Variants in C8orf34 observed in about 807,000 individuals in gnomAD.
C8orf34 encodes chromosome 8 open reading frame 34, also known as uncharacterized protein C8orf34.
Under a neutral mutation model 68.3 loss-of-function variants are expected in C8orf34, and 65 were observed. That is an observed-to-expected ratio of 0.95 (90% CI 0.78 to 1.17). The LOEUF (loss-of-function observed/expected upper bound fraction) is 1.17, where lower values mean the gene tolerates loss of function less well. Ranked by LOEUF, C8orf34 falls within the 50% of genes most tolerant of loss-of-function variation. The pLI, the probability that C8orf34 is intolerant of heterozygous loss-of-function variation, is 0.00. For missense variants in C8orf34, 664 were observed against 655.4 expected (o/e 1.01, Z -0.14); for synonymous variants, 244 against 241.2 (o/e 1.01, Z -0.11).
intron 1 of C8orf34, among the ~76,000 whole-genome samples, chr8:68,385,948 G>T (rs1169485834): frequency 6.6e-6 from 1 of 152,156 alleles, no homozygotes; most frequent in Non-Finnish European, 1.5e-5. Context: ...TGCCCAGACT[G>T]GAGTGTAGTG....
chr8:68,530,703 A>G, intron 6 of C8orf34: 4 of 786,966 alleles, frequency 5.1e-6, no homozygotes, highest in Non-Finnish European at 6.8e-6. Context: ...TTTTATTTCC[A>G]CTATTAAAGA....
chr8:68,784,044 T>A (rs550499331), intron 11 of C8orf34, among the ~76,000 whole-genome samples: 1 of 152,286 alleles, frequency 6.6e-6, no homozygotes, highest in Admixed American at 6.5e-5. Flanking sequence ...TGATACATTA[T>A]TAGTAACCAT....
At position 68,671,335 on chromosome 8, in the gene C8orf34, C is replaced by T. The variant is rs76066042; in HGVS notation, c.1241+30824C>T. ...TGAACAACCATCTGATCACTGAGAA[C>T]GATCATGTGATTTTAGTGCCCACAG... is the stretch of plus-strand genomic sequence containing the variant. On this transcript the variant is annotated intron_variant, in intron 8 of 13. Coordinates refer to ENST00000518698, the MANE Select transcript of C8orf34 (RefSeq NM_052958.4). Among the ~76,000 whole-genome samples the T allele has an allele frequency of 5.4e-3, 828 of 152,262 alleles. 10 individuals are homozygous for T. Among genetic ancestry groups the T allele is most frequent in the African/African-American group, 0.019 (789 of 41,548 alleles).
At chr8:68,639,937 A>G (rs1818955137) in intron 7 of C8orf34, among the ~76,000 whole-genome samples, 1 of 152,210 alleles carries the variant, frequency 6.6e-6, no homozygotes, top group Admixed American at 6.5e-5. Flanking sequence ...CGGAGGATTT[A>G]TGCAATTGGT....
chr8:68,409,007 T>G (rs1288904325), intron 1 of C8orf34, among the ~76,000 whole-genome samples: 1 of 152,146 alleles, frequency 6.6e-6, no homozygotes, highest in African/African-American at 2.4e-5. Context: ...CAGCCTGATC[T>G]TGAACTCCTG....
chr8:68,424,236 A>G (rs1810109986), intron 1 of C8orf34, among the ~76,000 whole-genome samples: 1 of 152,180 alleles, frequency 6.6e-6, no homozygotes. Context: ...GAAGCAGACC[A>G]GAATAGCATT....
At chr8:68,353,508 G>GTATA (rs951619325) in intron 1 of C8orf34, among the ~76,000 whole-genome samples, 4 of 150,248 alleles carry the variant, frequency 2.7e-5, no homozygotes, top group Non-Finnish European at 4.4e-5. Context: ...TGTATTGTGT[G>GTATA]TATATATATG....
intron 7 of C8orf34, among the ~76,000 whole-genome samples, chr8:68,571,531 T>C (rs1434462946): frequency 7.2e-6 from 1 of 138,102 alleles, no homozygotes; most frequent in Non-Finnish European, 1.5e-5. Flanking sequence ...TTAAAGTTGT[T>C]CTTAAGCCTG....
intron 3 of C8orf34, among the ~76,000 whole-genome samples, chr8:68,453,217 T>C (rs1273372913): frequency 1.3e-5 from 2 of 152,012 alleles, no homozygotes; most frequent in African/African-American, 4.8e-5. Flanking sequence ...CCTCTGACTT[T>C]ATTTTTCTCT....
Position 68,778,826 on chromosome 8 carries a change from A to G in C8orf34, c.1455+2377A>G, listed in dbSNP as rs562935444. Among the ~76,000 whole-genome samples, 4 of 152,302 alleles carry G rather than the reference A, an allele frequency of 2.6e-5. No individual in the cohort carries two copies. In the East Asian group the frequency reaches 7.7e-4, roughly 29 times the overall value. On this transcript the variant is annotated intron_variant, in intron 11 of 13. Coordinates refer to ENST00000518698, the MANE Select transcript of C8orf34 (RefSeq NM_052958.4). ...AATTTAAAATAACTTATCAAATTCA[A>G]TCAGTTCCAAATCTGGATTATCATA...
At chr8:68,446,820 T>C (rs1404748833) in intron 3 of C8orf34, 4 of 254,676 alleles carry the variant, frequency 1.6e-5, no homozygotes, top group Non-Finnish European at 7.3e-6. Flanking sequence ...TTAAATCTCT[T>C]AGAATAGAAG....
chr8:68,375,497 T>A (rs2129619934), intron 1 of C8orf34, among the ~76,000 whole-genome samples: 1 of 152,344 alleles, frequency 6.6e-6, no homozygotes, highest in African/African-American at 2.4e-5. Context: ...CAAGCATCGT[T>A]GCAATAGAAA....
chr8:68,632,278 T>C (rs1411509355), intron 7 of C8orf34, among the ~76,000 whole-genome samples: 2 of 151,996 alleles, frequency 1.3e-5, no homozygotes, highest in African/African-American at 4.8e-5. Flanking sequence ...ACCCTAGAGG[T>C]CTGTGGAATT....
intron 12 of C8orf34, among the ~76,000 whole-genome samples, chr8:68,806,072 G>A (rs1824472583): frequency 6.6e-6 from 1 of 151,878 alleles, no homozygotes; most frequent in South Asian, 2.1e-4. Context: ...ATGTCAATTG[G>A]TCCTTTTATA....
At chr8:68,567,761 G>A (rs1240555861) in intron 7 of C8orf34, among the ~76,000 whole-genome samples, 1 of 148,228 alleles carries the variant, frequency 6.7e-6, no homozygotes, top group Non-Finnish European at 1.5e-5. Context: ...ATTTCATTTA[G>A]TTCTTCTCTG....
At chr8:68,492,633 A>G (rs775026703) in intron 5 of C8orf34, among the ~76,000 whole-genome samples, 16 of 152,042 alleles carry the variant, frequency 1.1e-4, no homozygotes, top group Non-Finnish European at 2.2e-4. Context: ...GCACTCCACA[A>G]GAAATAGGGT....
At chr8:68,667,916 A>G (rs1007689524) in intron 8 of C8orf34, among the ~76,000 whole-genome samples, 1 of 152,196 alleles carries the variant, frequency 6.6e-6, no homozygotes, top group African/African-American at 2.4e-5. Context: ...ATGAAACTGA[A>G]TCATTTTCCA....
chr8:68,586,732 C>A (rs1025546942), intron 7 of C8orf34, among the ~76,000 whole-genome samples: 2 of 152,000 alleles, frequency 1.3e-5, no homozygotes, highest in Non-Finnish European at 2.9e-5. Flanking sequence ...AAACAAATAG[C>A]AAGCTTAATA....
At chr8:68,436,396 T>C (rs1214979529) in intron 1 of C8orf34, among the ~76,000 whole-genome samples, 3 of 152,160 alleles carry the variant, frequency 2.0e-5, no homozygotes, top group Non-Finnish European at 1.5e-5. Flanking sequence ...TATGTCCCAG[T>C]TTAACTAGCC....
Sources: allele counts gnomAD v4.1 joint callset (sites outside exome capture counted in the v4.1 genomes callset), GRCh38; gene constraint gnomAD v4.1.1; transcripts MANE v1.5; gene names NCBI Gene and HGNC (gene_info 2026-07-23, HGNC 2026-07-21).